Variants in TENM2 observed in about 807,000 individuals in gnomAD.
TENM2 encodes teneurin-2.
Under a neutral mutation model 245.2 loss-of-function variants are expected in TENM2, and 52 were observed. That is an observed-to-expected ratio of 0.21 (90% confidence interval 0.17 to 0.27). The LOEUF is 0.27. TENM2 is among the 10% of genes least tolerant of loss of function. The pLI, the probability that TENM2 is intolerant of heterozygous loss-of-function variation, is 1.00. For synonymous variants in TENM2, 1,363 were observed against 1,438.9 expected (o/e 0.95, Z 1.19); for missense variants, 3,046 against 3,666.8 (o/e 0.83, Z 4.37).
chr5:167,355,841 G>T (rs929983186), intron 1 of TENM2, among the ~76,000 whole-genome samples: 2 of 149,948 alleles, frequency 1.3e-5, no homozygotes, highest in East Asian at 4.0e-4. Context: ...TTTTAAAAAA[G>T]AAGCAATCTA....
chr5:167,176,807 G>A, the TENM2 span, among the ~76,000 whole-genome samples: 1 of 152,034 alleles, frequency 6.6e-6, no homozygotes, highest in Non-Finnish European at 1.5e-5. Flanking sequence ...TAATAACTAA[G>A]GGGAAAATAA....
chr5:167,461,893 G>A (rs1766314568), intron 2 of TENM2, among the ~76,000 whole-genome samples: 1 of 152,070 alleles, frequency 6.6e-6, no homozygotes. Flanking sequence ...GATCATATTA[G>A]TGGTTTACAG....
At chr5:168,227,740 A>G (rs1764351129) in intron 24 of TENM2, among the ~76,000 whole-genome samples, 155 bp from the exon 27 acceptor site, 1 of 152,068 alleles carries the variant, frequency 6.6e-6, no homozygotes, top group South Asian at 2.1e-4. Flanking sequence ...TTACCTTCAC[A>G]TGGTATGTAT....
chr5:167,536,198 A>C (rs577057903), intron 2 of TENM2, among the ~76,000 whole-genome samples: 20 of 152,264 alleles, frequency 1.3e-4, no homozygotes, highest in Admixed American at 1.1e-3. Context: ...GAGGGTTAAC[A>C]AGATTGATAA....
intron 2 of TENM2, among the ~76,000 whole-genome samples, chr5:167,657,433 G>A (rs1754918926): frequency 6.6e-6 from 1 of 152,180 alleles, no homozygotes; most frequent in African/African-American, 2.4e-5. Context: ...AAACAGTGCT[G>A]CAATAAGCAT....
At chr5:168,032,599 C>G (rs1787240709) in intron 5 of TENM2, among the ~76,000 whole-genome samples, 1 of 152,214 alleles carries the variant, frequency 6.6e-6, no homozygotes, top group Non-Finnish European at 1.5e-5. Context: ...CACCCTGAAG[C>G]AGTTTTTGTC....
In TENM2 at chr5:167,492,367, A is replaced by G. The variant is rs1178605768; in HGVS notation, c.502+116894A>G. Among the ~76,000 whole-genome samples, 5 of 152,224 alleles carry G rather than the reference A, an allele frequency of 3.3e-5. No homozygotes were observed. The South Asian group carries it at 1.0e-3, about 32-fold the overall frequency. On this transcript the variant is annotated intron_variant, in intron 2 of 28. Coordinates refer to ENST00000518659, the Ensembl canonical transcript of TENM2. ...ATGGTCTATACAATGACATTATTAA[A>G]ATTATTAATAATAGCACCTATGCCA...
intron 2 of TENM2, among the ~76,000 whole-genome samples, chr5:167,826,456 A>C (rs1480028025): frequency 6.6e-6 from 1 of 152,238 alleles, no homozygotes; most frequent in African/African-American, 2.4e-5. Flanking sequence ...TAGACTCTGC[A>C]AAAGGAAAAC....
the TENM2 span, among the ~76,000 whole-genome samples, chr5:167,023,362 A>C: frequency 6.6e-6 from 1 of 152,208 alleles, no homozygotes; most frequent in Non-Finnish European, 1.5e-5. Flanking sequence ...TATTGCTCAC[A>C]TTATACCTGT....
chr5:167,084,728 T>A, the TENM2 span, among the ~76,000 whole-genome samples: 1 of 152,146 alleles, frequency 6.6e-6, no homozygotes, highest in South Asian at 2.1e-4. Flanking sequence ...GGTGGCATGA[T>A]GTTTATTATA....
intron 4 of TENM2, among the ~76,000 whole-genome samples, chr5:167,982,167 C>CT (rs1272427323): frequency 6.6e-6 from 1 of 152,058 alleles, no homozygotes; most frequent in Non-Finnish European, 1.5e-5. Flanking sequence ...CTGGGATGCT[C>CT]TTTTTTACCA....
At chr5:167,282,154 T>C (rs981394447), upstream of TENM2, among the ~76,000 whole-genome samples, 1 of 152,146 alleles carries the variant, frequency 6.6e-6, no homozygotes, top group Admixed American at 6.5e-5. Flanking sequence ...AAGATAGGAT[T>C]TCATGAGTCA....
chr5:167,545,781 T>C (rs1032517720), intron 2 of TENM2, among the ~76,000 whole-genome samples: 5 of 152,240 alleles, frequency 3.3e-5, no homozygotes, highest in African/African-American at 1.2e-4. Flanking sequence ...CATAATAATC[T>C]TAATTATATC....
chr5:167,013,274 T>C, the TENM2 span, among the ~76,000 whole-genome samples: 2 of 152,192 alleles, frequency 1.3e-5, no homozygotes, highest in Non-Finnish European at 2.9e-5. Context: ...TAACTTTCAA[T>C]GTCCTTGACT....
the TENM2 span, among the ~76,000 whole-genome samples, chr5:167,110,528 T>C: frequency 3.3e-5 from 5 of 152,248 alleles, no homozygotes; most frequent in Non-Finnish European, 7.3e-5. Flanking sequence ...AATTATATTA[T>C]GAGCCAATGT....
intron 12 of TENM2, among the ~76,000 whole-genome samples, chr5:168,130,789 C>T (rs1190894726): frequency 5.3e-5 from 8 of 151,946 alleles, no homozygotes; most frequent in African/African-American, 1.5e-4. Flanking sequence ...CTTGGGAGGC[C>T]GATGTGGGAG....
chr5:168,262,602 C>T lies in TENM2; in HGVS notation c.8117C>T (p.Thr2706Met), dbSNP rs200019261. 8.2e-4 allele frequency: 1,298 copies of T among 1,581,958 alleles called. 1 individual carries two copies. The highest frequency in any genetic ancestry group is 1.1e-3 in the Non-Finnish European group (1,223 of 1,164,456). ...CAGGCGAGACAGAGGGCCCTGGGCA[C>T]GGCCTGGGCCAAGGAGCAGCAGAAA... Residue 2706 changes from threonine (T) to methionine (M), a missense_variant, in exon 29 of 29, where the codon ACG becomes ATG. Around this residue, in one of 2 missense-constraint regions of TENM2, gnomAD observed 2,704 missense variants for 3,331.9 expected, o/e 0.81. Transcript: ENST00000518659.
At chr5:167,322,023 G>A (rs1215591525) in intron 1 of TENM2, among the ~76,000 whole-genome samples, 1 of 151,628 alleles carries the variant, frequency 6.6e-6, no homozygotes, top group Admixed American at 6.6e-5. Flanking sequence ...GTAGACACAG[G>A]GTTTCACCTT....
At chr5:168,098,213 A>G (rs1793523289) in intron 9 of TENM2, 86 bp downstream of exon 11, 2 of 909,616 alleles carry the variant, frequency 2.2e-6, no homozygotes, top group Non-Finnish European at 3.5e-6. Context: ...ACATCCAAGT[A>G]GCCTTCCCAT....
Sources: allele counts gnomAD v4.1 joint callset (sites outside exome capture counted in the v4.1 genomes callset), GRCh38; gene constraint gnomAD v4.1.1; regional missense constraint gnomAD v4.1.1; transcripts MANE v1.5; gene names NCBI Gene and HGNC (gene_info 2026-07-23, HGNC 2026-07-21).